The following MEGF8 variants were observed in gnomAD, a reference collection of about 807,000 sequenced individuals.
The protein encoded by MEGF8 is multiple EGF like domains 8.
Under a neutral mutation model 302.9 loss-of-function variants are expected in MEGF8, and 156 were observed. The ratio of observed to expected loss-of-function variants is 0.52; its 90% CI spans 0.45 to 0.59. MEGF8 has a LOEUF of 0.59. MEGF8 is among the 20% of genes least tolerant of loss of function. The pLI is 0.00. For synonymous variants in MEGF8, 1,621 were observed against 1,660.5 expected (o/e 0.98, Z 0.58); for missense variants, 3,345 against 3,964.5 (o/e 0.84, Z 4.20).
chr19:42,349,997 G>T, intron 14 of MEGF8, 151 bp from the exon 15 acceptor site: 1 of 668,540 alleles, frequency 1.5e-6, no homozygotes, highest in South Asian at 1.9e-5. Flanking sequence ...GATTCCTCCA[G>T]ACCTTGGACC....
intron 3 of MEGF8, among the ~76,000 whole-genome samples, 152 bp downstream of exon 3, chr19:42,334,365 C>T (rs1191784641): frequency 2.0e-5 from 3 of 150,398 alleles, no homozygotes; most frequent in African/African-American, 7.4e-5. Flanking sequence ...CCTTCCAGAG[C>T]TTGCCCCTCA....
intron 9 of MEGF8, 146 bp from the exon 10 acceptor site, chr19:42,343,808 C>A: frequency 7.3e-7 from 1 of 1,368,766 alleles, no homozygotes; most frequent in Non-Finnish European, 9.7e-7. Context: ...GTCCCTGGGC[C>A]TGGGGGAGGA....
At chr19:42,333,057 T>C (rs960767487) in intron 1 of MEGF8, among the ~76,000 whole-genome samples, 2 of 152,308 alleles carry the variant, frequency 1.3e-5, no homozygotes, top group Middle Eastern at 3.4e-3. Flanking sequence ...GGTGAGACTC[T>C]GGATGGGGAC....
chr19:42,363,152 C>G lies in MEGF8; in HGVS notation c.6163C>G (p.Leu2055Val). The G allele has an allele frequency of 6.2e-7, 1 of 1,612,670 alleles. No individual in the cohort carries two copies. Among genetic ancestry groups the G allele is most frequent in the East Asian group, 2.2e-5 (1 of 44,872 alleles). Reference sequence around the variant, plus strand: ...CATGCCGGTGGAATCATCACCCCCACTGCCCTGCCCCACCCCTTGTCACCT... The same window carrying G: ...CATGCCGGTGGAATCATCACCCCCAGTGCCCTGCCCCACCCCTTGTCACCT... ...SPMPVESSPP[L>V]PCPTPCHLLP... The change falls in exon 35 of 42, where the codon CTG (leucine) becomes GTG (valine). Residue 2055 changes from leucine (L) to valine (V), a missense_variant. Coordinates refer to ENST00000251268, the MANE Select transcript of MEGF8 (RefSeq NM_001271938.2).
At chr19:42,367,008 GCCTTTT>G (rs2039615438) in intron 35 of MEGF8, among the ~76,000 whole-genome samples, 1 of 152,158 alleles carries the variant, frequency 6.6e-6, no homozygotes, top group Non-Finnish European at 1.5e-5. Context: ...TGGTTGCTTT[GCCTTTT>G]CCTAAGTGCT....
At chr19:42,338,485 G>A (rs538361879) in intron 8 of MEGF8, among the ~76,000 whole-genome samples, 8 of 152,014 alleles carry the variant, frequency 5.3e-5, no homozygotes, top group Admixed American at 3.3e-4. Context: ...CAGGTGATCC[G>A]CCCACCTCGG....
intron 41 of MEGF8, among the ~76,000 whole-genome samples, chr19:42,373,706 G>GTTTTTT (rs750576656): frequency 4.6e-4 from 46 of 100,952 alleles, no homozygotes; most frequent in Non-Finnish European, 5.9e-4. Flanking sequence ...GGGCTTTTGG[G>GTTTTTT]TTTTTTTTTT....
chr19:42,346,713 G>A (rs1169767627), intron 12 of MEGF8, among the ~76,000 whole-genome samples: 3 of 151,970 alleles, frequency 2.0e-5, no homozygotes, highest in African/African-American at 7.3e-5. Flanking sequence ...GGCTGGGCAC[G>A]GTGGCTCACG....
rs1185461355 is a variant in MEGF8 at position 42,377,343 on chromosome 19, AGT to A, written c.*572_*573del. The A allele has an allele frequency of 6.5e-6, 1 of 152,920 alleles. No individual in the cohort carries two copies. Among genetic ancestry groups the A allele is most frequent in the Non-Finnish European group, 1.5e-5 (1 of 68,264 alleles). The allele number at this position is 152,920 out of a possible 1,614,324, so 9.5% of individuals were successfully genotyped here. A position where few individuals can be genotyped will look rare whatever the true frequency, so the allele number is the denominator to read the frequency against. On this transcript the variant is annotated 3_prime_UTR_variant, in exon 42 of 42. Coordinates refer to ENST00000251268, the MANE Select transcript of MEGF8 (RefSeq NM_001271938.2). ...AAACTGGTAAGTGTGACCCAGATCAAGTGTGAGGAGATGAGGCTGGGGATAGT... is the reference window on the plus strand; with the variant it reads ...AAACTGGTAAGTGTGACCCAGATCAAGTGAGGAGATGAGGCTGGGGATAGT...
In MEGF8 at chr19:42,356,247, A is replaced by G; in HGVS notation, c.4503+54A>G. ...ATGGTTGCTCCCAGGTCGTTCTCCC[A>G]CCTCCATTCCTGGGACCACCCCTAC... On this transcript the variant is annotated intron_variant, in intron 25 of 41. Coordinates refer to ENST00000251268, the MANE Select transcript of MEGF8 (RefSeq NM_001271938.2). The surrounding 1 kb of genome is among the most constrained non-coding windows in gnomAD (Gnocchi z 5.2). 1 of 1,521,342 alleles carries G rather than the reference A, an allele frequency of 6.6e-7. No homozygotes were observed. Among genetic ancestry groups the G allele is most frequent in the Non-Finnish European group, 8.8e-7 (1 of 1,130,414 alleles). 94.2% of individuals were successfully genotyped at this position (1,521,342 alleles called of 1,614,324 possible).
rs762150997 is a variant in MEGF8, at chr19:42,336,260, C to G, written c.1158C>G (p.Pro386=). Residue 386 remains proline (P), a synonymous_variant, in exon 6 of 42, where the codon CCC becomes CCG. Transcript: ENST00000251268. This position sits in a 1 kb window ranked among gnomAD's most constrained non-coding sequence, Gnocchi z 4.8. ...AGGTGATTCCGGCAGGCGGACGGCC[C>G]CCTGCTGCCACTGGCCACTCCATGG... The part of the protein sequence containing the change: ...WEQVIPAGGR[P]PAATGHSMVF... The G allele has an allele frequency of 5.6e-6, 9 of 1,607,248 alleles. No individual in the cohort carries two copies. In the Admixed American group the frequency reaches 1.0e-4, roughly 18 times the overall value.
At chr19:42,335,434 C>T (rs372888809) in intron 5 of MEGF8, 49 bp downstream of exon 5, 3 of 1,577,126 alleles carry the variant, frequency 1.9e-6, no homozygotes, top group Non-Finnish European at 2.6e-6. Flanking sequence ...TCAATCAGAC[C>T]CAGCCGGGGA....
At position 42,344,101 on chromosome 19, in the gene MEGF8, C is replaced by A; in HGVS notation, c.1788+28C>A. 3 of 1,609,716 alleles carry A rather than the reference C, an allele frequency of 1.9e-6. No homozygotes were observed. The highest frequency in any genetic ancestry group is 2.5e-6 in the Non-Finnish European group (3 of 1,178,522). ...GAGTGACAGCCCTAGACCCTCTGTT[C>A]CCTAGCATAGAGACCTGCCCTCAGT... On this transcript the variant is annotated intron_variant, in intron 10 of 41. Coordinates refer to ENST00000251268, the MANE Select transcript of MEGF8 (RefSeq NM_001271938.2). The surrounding 1 kb of genome is among the most constrained non-coding windows in gnomAD (Gnocchi z 4.5).
Position 42,371,337 on chromosome 19 carries a change from A to G in MEGF8, c.7137-13A>G. Reference sequence around the variant, plus strand: ...GGCCATGGGGGCTCCGTAACCCTCAACTTCTTCCCCAGATGCCAGTGTAAT... The same window carrying G: ...GGCCATGGGGGCTCCGTAACCCTCAGCTTCTTCCCCAGATGCCAGTGTAAT... On this transcript the variant is annotated splice_polypyrimidine_tract_variant and intron_variant, in intron 40 of 41. Coordinates refer to ENST00000251268, the MANE Select transcript of MEGF8 (RefSeq NM_001271938.2). 1 of 1,613,526 alleles carries G rather than the reference A, an allele frequency of 6.2e-7. No homozygotes were observed. Among genetic ancestry groups the G allele is most frequent in the East Asian group, 2.2e-5 (1 of 44,870 alleles).
At chr19:42,340,508 C>T (rs900763043) in intron 8 of MEGF8, among the ~76,000 whole-genome samples, 2 of 152,054 alleles carry the variant, frequency 1.3e-5, no homozygotes, top group African/African-American at 2.4e-5. Context: ...GGATTACAGG[C>T]GTGAGCCACC....
chr19:42,336,076 C>T lies in MEGF8; in HGVS notation c.974C>T (p.Ala325Val), dbSNP rs979965977. 3.8e-6 allele frequency: 6 copies of T among 1,596,866 alleles called. No individual in the cohort carries two copies. The African/African-American group carries it at 6.7e-5, about 18-fold the overall frequency. The change falls in exon 6 of 42, where the codon GCC (alanine) becomes GTC (valine). Residue 325 changes from alanine (A) to valine (V), a missense_variant. By Grantham distance (64) the Ala-to-Val change is moderately conservative. Coordinates refer to ENST00000251268, the MANE Select transcript of MEGF8 (RefSeq NM_001271938.2). This position sits in a 1 kb window ranked among gnomAD's most constrained non-coding sequence, Gnocchi z 4.8. ...RGHWELLAPP[A>V]SSSSGPPGLA... Reference sequence around the variant, plus strand: ...CACTGGGAGCTCCTGGCACCACCTGCCTCCAGCTCCTCGGGGCCCCCAGGC... The same window carrying T: ...CACTGGGAGCTCCTGGCACCACCTGTCTCCAGCTCCTCGGGGCCCCCAGGC...
chr19:42,360,238 T>C (rs1054453938), intron 31 of MEGF8, among the ~76,000 whole-genome samples: 4 of 151,540 alleles, frequency 2.6e-5, no homozygotes, highest in Non-Finnish European at 5.9e-5. Flanking sequence ...CATTTGTCTC[T>C]CTTCTTATTT....
rs1440102102 is a variant in MEGF8, at chr19:42,375,855, G to A, written c.7618G>A (p.Asp2540Asn). The A allele has an allele frequency of 2.5e-6, 4 of 1,609,224 alleles. No individual in the cohort carries two copies. In the East Asian group the frequency reaches 6.7e-5, roughly 27 times the overall value. Residue 2540 changes from aspartate to asparagine, a missense_variant, in exon 42 of 42, where the codon GAT (aspartate) becomes AAT (asparagine). Coordinates refer to ENST00000251268, the MANE Select transcript of MEGF8 (RefSeq NM_001271938.2). The surrounding 1 kb of genome is among the most constrained non-coding windows in gnomAD (Gnocchi z 7.1). ...PAPPPPPPPA[D>N]GGPRGAGDPG... is the part of the protein sequence containing the mutation. ...CCCACCACCTCCACCACCCCCTGCA[G>A]ATGGTGGGCCCCGGGGGGCTGGGGA...
chr19:42,371,230 C>A, intron 40 of MEGF8, 120 bp from the exon 41 acceptor site: 1 of 1,359,936 alleles, frequency 7.4e-7, no homozygotes, highest in South Asian at 1.5e-5. Flanking sequence ...AACAGCTTGA[C>A]CTCTGTGAAC....
Sources: allele counts gnomAD v4.1 joint callset (sites outside exome capture counted in the v4.1 genomes callset), GRCh38; gene constraint gnomAD v4.1.1; non-coding constraint Gnocchi (gnomAD v3.1); transcripts MANE v1.5; gene names NCBI Gene and HGNC (gene_info 2026-07-23, HGNC 2026-07-21).